Variants in ATP2A1 observed in about 807,000 individuals in gnomAD.
ATP2A1 encodes sarcoplasmic/endoplasmic reticulum calcium ATPase 1.
In ATP2A1, 83 loss-of-function variants were observed where a neutral mutation model predicts 109.5. That is an observed-to-expected ratio of 0.76 (90% CI 0.63 to 0.91). The LOEUF (loss-of-function observed/expected upper bound fraction) is 0.91, where lower values mean the gene tolerates loss of function less well. ATP2A1 is among the 40% of genes least tolerant of loss of function. The pLI is 0.00. For synonymous variants in ATP2A1, 505 were observed against 537.6 expected, an observed-to-expected ratio of 0.94 and a Z score of 0.84; for missense variants, 1,101 against 1,341.0, an observed-to-expected ratio of 0.82 and a Z score of 2.80.
At chr16:28,900,240 G>A (rs1964033398) in intron 14 of ATP2A1, among the ~76,000 whole-genome samples, 1 of 151,470 alleles carries the variant, frequency 6.6e-6, no homozygotes, top group South Asian at 2.1e-4. Context: ...GATTGAGGCT[G>A]CAGTGAGCTA....
Position 28,883,559 on chromosome 16 carries a change from T to C in ATP2A1, c.463+970T>C, listed in dbSNP as rs1358804116. ...GAAAGCGATTGGACCCTGTCCCCAG[T>C]ACCATCCGTGGGACCAGTGCGGAAT... On this transcript the variant is annotated intron_variant, in intron 5 of 22. Coordinates refer to ENST00000395503, the MANE Select transcript of ATP2A1 (RefSeq NM_004320.6). This position sits in a 1 kb window ranked among gnomAD's most constrained non-coding sequence, Gnocchi z 5.2. Among the ~76,000 whole-genome samples, 6 of 152,154 alleles carry C rather than the reference T, an allele frequency of 3.9e-5. No homozygotes were observed. Among genetic ancestry groups the C allele is most frequent in the Non-Finnish European group, 8.8e-5 (6 of 68,008 alleles).
At chr16:28,889,970 C>T (rs1044781598) in intron 9 of ATP2A1, among the ~76,000 whole-genome samples, 1 of 152,046 alleles carries the variant, frequency 6.6e-6, no homozygotes, top group Non-Finnish European at 1.5e-5. Flanking sequence ...GGTGAAACCC[C>T]ATCTCTACTA....
At chr16:28,899,803 TA>T (rs71143703) in intron 14 of ATP2A1, among the ~76,000 whole-genome samples, 103,269 of 150,654 alleles carry the variant, frequency 0.69, 35,859 homozygotes, top group East Asian at 0.88. Context: ...TCTACTAAAA[TA>T]AAAAAATTAG....
rs140051453 is a variant in ATP2A1 at position 28,897,386 on chromosome 16, T to G, written c.1420-614T>G. Among the ~76,000 whole-genome samples, 345 of 151,698 alleles carry G rather than the reference T, an allele frequency of 2.3e-3. 6 individuals are homozygous for G. The highest frequency in any genetic ancestry group is 8.1e-3 in the African/African-American group (334 of 41,332). On this transcript the variant is annotated intron_variant, in intron 12 of 22. Coordinates refer to ENST00000395503, the MANE Select transcript of ATP2A1 (RefSeq NM_004320.6). ...GGCATACACCTGTGGTCCCAGCTAC[T>G]CAGCTGGCTGGGAGGCTGAGGCAGG...
chr16:28,894,360 T>C, intron 10 of ATP2A1, 117 bp downstream of exon 10: 2 of 1,298,944 alleles, frequency 1.5e-6, no homozygotes, highest in Non-Finnish European at 2.2e-6. Context: ...CTCCCCGACC[T>C]TGTTCTCTCT....
At position 28,903,176 on chromosome 16, in the gene ATP2A1, A is replaced by ACC. The variant is rs1297305354; in HGVS notation, c.2862+32_2862+33dup. 5.0e-6 allele frequency: 8 copies of ACC among 1,609,036 alleles called. No homozygotes were observed. The highest frequency in any genetic ancestry group is 5.9e-6 in the Non-Finnish European group (7 of 1,176,512). ...AGGTTTCTTCCGCCCAGGGCCGCCC[A>ACC]CCCCAGCACTGGGGAGCCCACGGCG... On this transcript the variant is annotated intron_variant, in intron 20 of 22. Transcript: ENST00000395503. The surrounding 1 kb of genome is among the most constrained non-coding windows in gnomAD (Gnocchi z 5.6).
rs761111742 is a variant in ATP2A1 at position 28,887,588 on chromosome 16, C to T, written c.794C>T (p.Ser265Phe). 1.2e-6 allele frequency: 2 copies of T among 1,614,052 alleles called. No homozygotes were observed. Among genetic ancestry groups the T allele is most frequent in the Non-Finnish European group, 1.7e-6 (2 of 1,180,020 alleles). The part of the protein sequence containing the change: ...EFGEQLSKVI[S>F]LICVAVWLIN... ...GGGGAGCAGCTCTCCAAGGTCATCT[C>T]CCTCATCTGTGTGGCTGTCTGGCTT... Residue 265 changes from serine (S) to phenylalanine (F), a missense_variant, in exon 8 of 23, where the codon TCC becomes TTC. Physicochemically the swap from Ser to Phe is radical, Grantham distance 155. Coordinates refer to ENST00000395503, the MANE Select transcript of ATP2A1 (RefSeq NM_004320.6).
chr16:28,884,694 C>G (rs11642449), intron 6 of ATP2A1, 39 bp downstream of exon 6: 2 of 1,564,050 alleles, frequency 1.3e-6, no homozygotes, highest in Non-Finnish European at 1.8e-6. Flanking sequence ...GGGGGTGGGA[C>G]GTGGGGAGGA....
At chr16:28,882,235 A>C (rs1229631028) in intron 4 of ATP2A1, among the ~76,000 whole-genome samples, 1 of 150,902 alleles carries the variant, frequency 6.6e-6, no homozygotes, top group South Asian at 2.1e-4. Context: ...CTGGGATTAC[A>C]GGCGTGAGTC....
In ATP2A1 at chr16:28,902,701, T is replaced by C. The variant is rs4072051; in HGVS notation, c.2610+36T>C. ...GCCACAAAGGAGGGGACCAGGAGGG[T>C]GTGGGGATGCAGGAGGGTACCAGGA... On this transcript the variant is annotated intron_variant, in intron 18 of 22. Coordinates refer to ENST00000395503, the MANE Select transcript of ATP2A1 (RefSeq NM_004320.6). This position sits in a 1 kb window ranked among gnomAD's most constrained non-coding sequence, Gnocchi z 4.8. The C allele has an allele frequency of 3.7e-6, 6 of 1,613,614 alleles. No individual in the cohort carries two copies. The highest frequency in any genetic ancestry group is 5.1e-6 in the Non-Finnish European group (6 of 1,179,822).
At chr16:28,882,902 C>T (rs939164206) in intron 5 of ATP2A1, among the ~76,000 whole-genome samples, 4 of 152,240 alleles carry the variant, frequency 2.6e-5, no homozygotes, top group African/African-American at 7.2e-5. Flanking sequence ...GTCTCCACCC[C>T]CTCCCGGGCC....
rs756065638 is a variant in ATP2A1 at position 28,881,003 on chromosome 16, T to C, written c.308T>C (p.Ile103Thr). Residue 103 changes from isoleucine to threonine, a missense_variant, in exon 4 of 23, where the codon ATC becomes ACC. By Grantham distance (89) the Ile-to-Thr change is moderately conservative. Coordinates refer to ENST00000395503, the MANE Select transcript of ATP2A1 (RefSeq NM_004320.6). ...VILLILIANA[I>T]VGVWQERNAE... is the part of the protein sequence containing the mutation. ...CTCTTGATCCTCATTGCCAATGCCA[T>C]CGTGGGGGTTTGGCAGGTTAGCGTT... 1 of 1,614,040 alleles carries C rather than the reference T, an allele frequency of 6.2e-7. No individual in the cohort carries two copies. The highest frequency in any genetic ancestry group is 8.5e-7 in the Non-Finnish European group (1 of 1,179,970).
In ATP2A1 at chr16:28,902,513, G is replaced by C; in HGVS notation, c.2525-67G>C. On this transcript the variant is annotated intron_variant, in intron 17 of 22. Transcript: ENST00000395503. The surrounding 1 kb of genome is among the most constrained non-coding windows in gnomAD (Gnocchi z 4.8). ...GGCCAGCCTGTCCATGGCCACATGA[G>C]GCCCTCAACCCTCGATGCCCCCTAT... 2 of 1,574,404 alleles carry C rather than the reference G, an allele frequency of 1.3e-6. No individual in the cohort carries two copies. Among genetic ancestry groups the C allele is most frequent in the South Asian group, 2.3e-5 (2 of 88,088 alleles).
chr16:28,887,099 T>C (rs1963634651), intron 6 of ATP2A1, 90 bp from the exon 7 acceptor site: 2 of 1,356,046 alleles, frequency 1.5e-6, no homozygotes, highest in South Asian at 2.3e-5. Context: ...TACCAGGAGC[T>C]GTCCTGCTGA....
At position 28,900,947 on chromosome 16, in the gene ATP2A1, T is replaced by C. The variant is rs749678503; in HGVS notation, c.2100+31T>C. The C allele has an allele frequency of 6.2e-6, 10 of 1,612,516 alleles. No homozygotes were observed. In the African/African-American group the frequency reaches 1.1e-4, roughly 17 times the overall value. On this transcript the variant is annotated intron_variant, in intron 15 of 22. Transcript: ENST00000395503. ...AGGGCCCAGGCAGCTGCAGCCTTAG[T>C]GTCCACGGAGATGACCAGATGACTG...
intron 14 of ATP2A1, 75 bp from the exon 15 acceptor site, chr16:28,900,478 CCACTTCCTGACCTTTCACCCCATCCCCA>C: frequency 1.1e-6 from 1 of 938,792 alleles, no homozygotes; most frequent in Non-Finnish European, 1.5e-6. Flanking sequence ...CCCCTCCCCA[CCACTTCCTGACCTTTCACCCCATCCCCA>C]CCCCCCACCA....
chr16:28,901,926 T>C lies in ATP2A1; in HGVS notation c.2164T>C (p.Ser722Pro). ...GGCTGAGATTGGCATTGCCATGGGA[T>C]CTGGCACTGCCGTGGCCAAGACTGC... ...KKAEIGIAMG[S>P]GTAVAKTASE... is the part of the protein sequence containing the mutation. Residue 722 changes from serine to proline, a missense_variant, in exon 16 of 23, where the codon TCT becomes CCT. By Grantham distance (74) the Ser-to-Pro change is moderately conservative. Coordinates refer to ENST00000395503, the MANE Select transcript of ATP2A1 (RefSeq NM_004320.6). The C allele has an allele frequency of 1.2e-6, 2 of 1,614,232 alleles. No individual in the cohort carries two copies. The highest frequency in any genetic ancestry group is 8.5e-7 in the Non-Finnish European group (1 of 1,180,036).
At chr16:28,890,066 C>T (rs560381858) in intron 9 of ATP2A1, among the ~76,000 whole-genome samples, 3 of 152,078 alleles carry the variant, frequency 2.0e-5, no homozygotes, top group Non-Finnish European at 2.9e-5. Context: ...TGCTTCAACC[C>T]GGGAGGCAGA....
In ATP2A1 at chr16:28,902,409, T is replaced by C. The variant is rs1433399662; in HGVS notation, c.2524+23T>C. 3.7e-6 allele frequency: 6 copies of C among 1,612,486 alleles called. No individual in the cohort carries two copies. The highest frequency in any genetic ancestry group is 5.1e-6 in the Non-Finnish European group (6 of 1,179,078). ...GGGGTGAGCTGGAGGGGTTCCTCGA[T>C]CCTCCCCACCCCTTGGGACTAACCC... On this transcript the variant is annotated intron_variant, in intron 17 of 22. Coordinates refer to ENST00000395503, the MANE Select transcript of ATP2A1 (RefSeq NM_004320.6). This position sits in a 1 kb window ranked among gnomAD's most constrained non-coding sequence, Gnocchi z 4.8.
Sources: allele counts gnomAD v4.1 joint callset (sites outside exome capture counted in the v4.1 genomes callset), GRCh38; gene constraint gnomAD v4.1.1; non-coding constraint Gnocchi (gnomAD v3.1); transcripts MANE v1.5; gene names NCBI Gene and HGNC (gene_info 2026-07-23, HGNC 2026-07-21).